The following ASTN2 variants were observed in gnomAD, a reference collection of about 807,000 sequenced individuals.
The protein encoded by ASTN2 is astrotactin-2.
Under a neutral mutation model 139.8 loss-of-function variants are expected in ASTN2, and 54 were observed. The ratio of observed to expected loss-of-function variants is 0.39; its 90% CI spans 0.31 to 0.48. ASTN2 has a LOEUF of 0.48. Among genes scored for constraint, ASTN2 ranks in the 20% least tolerant of loss-of-function variants. ASTN2 has a pLI of 0.95. For missense variants in ASTN2, 1,565 were observed against 1,725.1 expected (o/e 0.91, Z 1.64); for synonymous variants, 756 against 719.5 (o/e 1.05, Z -0.81).
intron 5 of ASTN2, among the ~76,000 whole-genome samples, chr9:117,081,242 G>T (rs1023811902): frequency 6.6e-6 from 1 of 152,180 alleles, no homozygotes; most frequent in African/African-American, 2.4e-5. Context: ...CTGTTCTCAT[G>T]ACAAATGCCC....
chr9:116,515,879 T>A (rs1587921429), intron 19 of ASTN2, among the ~76,000 whole-genome samples: 1 of 152,306 alleles, frequency 6.6e-6, no homozygotes, highest in East Asian at 1.9e-4. Context: ...AACTTTATCA[T>A]GCATCAGAAT....
intron 11 of ASTN2, among the ~76,000 whole-genome samples, chr9:116,851,498 C>CTATCTATCTATCTATCTATCTAGT (rs2132322753): frequency 6.6e-6 from 1 of 151,518 alleles, no homozygotes; most frequent in Non-Finnish European, 1.5e-5. Context: ...ATCTATCTAT[C>CTATCTATCTATCTATCTATCTAGT]TATCTATCTA....
At chr9:116,433,338 T>G (rs1847554607) in intron 22 of ASTN2, among the ~76,000 whole-genome samples, 1 of 152,218 alleles carries the variant, frequency 6.6e-6, no homozygotes, top group Non-Finnish European at 1.5e-5. Context: ...AGAACATAAC[T>G]TATGTATTTG....
intron 1 of ASTN2, among the ~76,000 whole-genome samples, chr9:117,407,283 C>A (rs1244607730): frequency 6.6e-6 from 1 of 152,140 alleles, no homozygotes; most frequent in Non-Finnish European, 1.5e-5. Flanking sequence ...ACCTTCAGAA[C>A]AATGGGGAAG....
chr9:117,389,474 G>C (rs951043888), intron 1 of ASTN2, among the ~76,000 whole-genome samples: 3 of 152,188 alleles, frequency 2.0e-5, no homozygotes, highest in Non-Finnish European at 4.4e-5. Context: ...AGAGGCAAAT[G>C]CTCATGGATA....
chr9:117,287,715 A>C (rs1023134191), intron 2 of ASTN2, among the ~76,000 whole-genome samples: 4 of 152,202 alleles, frequency 2.6e-5, no homozygotes, highest in African/African-American at 9.7e-5. Context: ...TCAGGCAGCA[A>C]AATAGCAGCA....
intron 13 of ASTN2, among the ~76,000 whole-genome samples, chr9:116,800,651 T>C (rs1266854994): frequency 1.3e-5 from 2 of 152,206 alleles, no homozygotes. Flanking sequence ...ATATGGGATA[T>C]AAAGTAGTTG....
At chr9:117,281,720 C>T (rs546473264) in intron 2 of ASTN2, among the ~76,000 whole-genome samples, 1 of 152,276 alleles carries the variant, frequency 6.6e-6, no homozygotes, top group South Asian at 2.1e-4. Flanking sequence ...TCCGCCCCTC[C>T]CCACTTTACT....
chr9:116,600,944 G>T (rs1009492836), intron 19 of ASTN2, among the ~76,000 whole-genome samples: 1 of 152,066 alleles, frequency 6.6e-6, no homozygotes, highest in Admixed American at 6.6e-5. Context: ...AATGTACTAG[G>T]CACTGGGGAT....
At chr9:117,242,985 GTCATCA>G (rs994765436) in intron 2 of ASTN2, among the ~76,000 whole-genome samples, 2 of 152,130 alleles carry the variant, frequency 1.3e-5, no homozygotes, top group Non-Finnish European at 2.9e-5. Flanking sequence ...CATCGCCATC[GTCATCA>G]TCATCATCAC....
intron 19 of ASTN2, among the ~76,000 whole-genome samples, chr9:116,600,211 C>G (rs1854801278): frequency 6.6e-6 from 1 of 151,188 alleles, no homozygotes; most frequent in African/African-American, 2.4e-5. Flanking sequence ...GTAGTCCCAG[C>G]TACTTGGGAG....
At chr9:116,973,645 G>C (rs1414178159) in intron 10 of ASTN2, among the ~76,000 whole-genome samples, 2 of 152,144 alleles carry the variant, frequency 1.3e-5, no homozygotes, top group Non-Finnish European at 2.9e-5. Context: ...AAACCAGATG[G>C]TCCTTGCTTT....
intron 1 of ASTN2, among the ~76,000 whole-genome samples, chr9:117,318,573 C>A (rs1172343695): frequency 6.6e-6 from 1 of 152,130 alleles, no homozygotes; most frequent in Non-Finnish European, 1.5e-5. Flanking sequence ...TTAATTTAGT[C>A]ATGCTGTACA....
chr9:117,281,468 T>C (rs1026452173), intron 2 of ASTN2, among the ~76,000 whole-genome samples: 2 of 152,140 alleles, frequency 1.3e-5, no homozygotes, highest in Non-Finnish European at 2.9e-5. Context: ...TTCCAATATA[T>C]CCAAATCAAA....
intron 13 of ASTN2, among the ~76,000 whole-genome samples, chr9:116,760,828 C>T (rs1164220927): frequency 3.3e-5 from 5 of 151,860 alleles, no homozygotes; most frequent in African/African-American, 1.2e-4. Flanking sequence ...CTTCCTTCCC[C>T]GCCGCAGCTA....
intron 16 of ASTN2, chr9:116,697,898 G>A: frequency 6.2e-7 from 1 of 1,614,196 alleles, no homozygotes; most frequent in Non-Finnish European, 8.5e-7. Context: ...AGAAGCTATT[G>A]GCCAGTAGCA....
chr9:116,816,062 ACT>A (rs1315047114), intron 12 of ASTN2, among the ~76,000 whole-genome samples: 5 of 151,830 alleles, frequency 3.3e-5, no homozygotes, highest in African/African-American at 4.8e-5. Context: ...ATGTTGAGTG[ACT>A]CTTTCATTTT....
At chr9:116,894,060 C>T (rs1274828587) in intron 10 of ASTN2, among the ~76,000 whole-genome samples, 2 of 152,176 alleles carry the variant, frequency 1.3e-5, no homozygotes, top group Non-Finnish European at 2.9e-5. Flanking sequence ...TTCCCTACTT[C>T]CATTCTAGGA....
At chr9:116,891,731 AT>A (rs1291354703) in intron 10 of ASTN2, among the ~76,000 whole-genome samples, 1 of 152,184 alleles carries the variant, frequency 6.6e-6, no homozygotes, top group African/African-American at 2.4e-5. Flanking sequence ...CCATTTTACT[AT>A]CTTTCCACTT....
Sources: allele counts gnomAD v4.1 joint callset (sites outside exome capture counted in the v4.1 genomes callset), GRCh38; gene constraint gnomAD v4.1.1; transcripts MANE v1.5; gene names NCBI Gene and HGNC (gene_info 2026-07-23, HGNC 2026-07-21).